Variants in FAM184A observed in about 807,000 individuals in gnomAD.
FAM184A encodes the protein protein FAM184A.
In FAM184A, 99 loss-of-function variants were observed where a neutral mutation model predicts 143.8. That is an observed-to-expected ratio of 0.69 (90% confidence interval 0.58 to 0.81). The LOEUF (loss-of-function observed/expected upper bound fraction) is 0.81, where lower values mean the gene tolerates loss of function less well. Ranked by LOEUF, FAM184A falls within the 40% of genes least tolerant of loss-of-function variation. FAM184A has a pLI of 0.00. For missense variants in FAM184A, 1,217 were observed against 1,310.5 expected (o/e 0.93, Z 1.10); for synonymous variants, 427 against 446.4 (o/e 0.96, Z 0.55).
chr6:119,088,136 G>T (rs1324523864), intron 1 of FAM184A, among the ~76,000 whole-genome samples: 1 of 152,122 alleles, frequency 6.6e-6, no homozygotes, highest in Admixed American at 6.5e-5. Context: ...TTCAACTGGG[G>T]AAGATGAAAA....
intron 1 of FAM184A, among the ~76,000 whole-genome samples, chr6:119,133,843 G>A (rs1053642295): frequency 1.3e-5 from 2 of 151,604 alleles, no homozygotes; most frequent in Non-Finnish European, 2.9e-5. Context: ...TTTTTGTAGA[G>A]ACAAGATCTC....
intron 1 of FAM184A, among the ~76,000 whole-genome samples, chr6:119,114,666 A>G (rs563648487): frequency 1.7e-3 from 260 of 151,842 alleles, no homozygotes; most frequent in Admixed American, 6.1e-3. Context: ...CTCAGCCTCT[A>G]GAGTAGCTGG....
At chr6:119,020,984 A>C (rs1474989449) in intron 3 of FAM184A, among the ~76,000 whole-genome samples, 2 of 152,212 alleles carry the variant, frequency 1.3e-5, no homozygotes, top group Non-Finnish European at 1.5e-5. Flanking sequence ...CAGAGAGATG[A>C]AAAGTGAGTG....
intron 1 of FAM184A, among the ~76,000 whole-genome samples, chr6:119,065,365 C>T (rs951661706): frequency 8.1e-4 from 124 of 152,276 alleles, no homozygotes; most frequent in African/African-American, 2.9e-3. Context: ...TCGCCCTGGC[C>T]AGCAGCTTGA....
chr6:118,979,146 C>T (rs552589930), intron 11 of FAM184A, among the ~76,000 whole-genome samples: 45 of 152,276 alleles, frequency 3.0e-4, no homozygotes, highest in Non-Finnish European at 2.4e-4. Flanking sequence ...AGTGGTGTTG[C>T]TTGCATAGCT....
chr6:119,031,342 T>C (rs149514376), intron 1 of FAM184A: 1 of 152,230 alleles, frequency 6.6e-6, no homozygotes, highest in Non-Finnish European at 1.5e-5. Context: ...GAGCCCTCAT[T>C]CTGGGACTGG....
rs531762224 is a variant in FAM184A, at chr6:119,072,077, G to T, written c.159+6064C>A. Among the ~76,000 whole-genome samples, 3 of 152,122 alleles carry T rather than the reference G, an allele frequency of 2.0e-5. No homozygotes were observed. In the South Asian group the frequency reaches 6.2e-4, roughly 32 times the overall value. On this transcript the variant is annotated intron_variant, in intron 1 of 17. Coordinates refer to ENST00000338891, the MANE Select transcript of FAM184A (RefSeq NM_024581.6). ...GGATTTCACCATGTTGGCCAGGCTG[G>T]TCTCGAACTCATGGCCTCAAGTGAT...
chr6:118,996,580 G>A (rs1199257963), intron 9 of FAM184A, among the ~76,000 whole-genome samples: 1 of 151,962 alleles, frequency 6.6e-6, no homozygotes, highest in African/African-American at 2.4e-5. Context: ...TTCCCCCAGG[G>A]CTCTGAATGT....
At chr6:119,006,280 A>C in intron 7 of FAM184A, 167 bp downstream of exon 7, 1 of 770,454 alleles carries the variant, frequency 1.3e-6, no homozygotes. Context: ...TGAGAGAATA[A>C]ATTTCTGTTG....
intron 1 of FAM184A, among the ~76,000 whole-genome samples, chr6:119,132,924 C>T (rs560657965): frequency 1.3e-5 from 2 of 152,334 alleles, no homozygotes; most frequent in South Asian, 4.1e-4. Flanking sequence ...TTTTAATCAA[C>T]TCTAAGAGTT....
chr6:119,001,915 CTAGTAA>C (rs1784769633), intron 9 of FAM184A, among the ~76,000 whole-genome samples: 1 of 152,074 alleles, frequency 6.6e-6, no homozygotes, highest in Non-Finnish European at 1.5e-5. Context: ...TGTCCAAATT[CTAGTAA>C]AAGTTGTTCC....
At chr6:119,102,932 C>G (rs1291815716) in intron 1 of FAM184A, among the ~76,000 whole-genome samples, 1 of 151,960 alleles carries the variant, frequency 6.6e-6, no homozygotes, top group Non-Finnish European at 1.5e-5. Flanking sequence ...GTTTTCTATA[C>G]AATGTCTACT....
At chr6:118,986,749 AT>A (rs1784208678) in intron 9 of FAM184A, among the ~76,000 whole-genome samples, 2 of 152,224 alleles carry the variant, frequency 1.3e-5, no homozygotes, top group South Asian at 4.1e-4. Context: ...CTAAAGTATA[AT>A]TCAATTAATT....
intron 6 of FAM184A, among the ~76,000 whole-genome samples, chr6:119,008,768 G>A (rs536923414): frequency 6.8e-4 from 103 of 152,278 alleles, no homozygotes; most frequent in Non-Finnish European, 1.2e-3. Context: ...ACTACAGTGA[G>A]TTTTTTATAA....
chr6:119,033,526 G>A (rs1260578147), intron 1 of FAM184A, among the ~76,000 whole-genome samples: 6 of 151,972 alleles, frequency 3.9e-5, no homozygotes, highest in South Asian at 4.2e-4. Context: ...TTATCTGGGC[G>A]TAGTGGCAGG....
intron 1 of FAM184A, among the ~76,000 whole-genome samples, chr6:119,139,393 C>A (rs1027581629): frequency 1.3e-5 from 2 of 152,138 alleles, no homozygotes; most frequent in African/African-American, 4.8e-5. Context: ...ACTCACTGTT[C>A]TCAGAATATT....
At chr6:119,082,522 G>A (rs74975942), upstream of FAM184A, among the ~76,000 whole-genome samples, 2 of 152,264 alleles carry the variant, frequency 1.3e-5, no homozygotes, top group African/African-American at 4.8e-5. Context: ...TCAGGCATTG[G>A]GTAAATGTTC....
chr6:119,068,930 CATG>C (rs1469133353), intron 1 of FAM184A: 1 of 222,222 alleles, frequency 4.5e-6, no homozygotes, highest in African/African-American at 2.4e-5. Flanking sequence ...AAAATTTGCC[CATG>C]ATTACACATC....
intron 14 of FAM184A, among the ~76,000 whole-genome samples, chr6:118,973,068 A>G (rs1211041776): frequency 6.6e-6 from 1 of 152,208 alleles, no homozygotes; most frequent in East Asian, 1.9e-4. Context: ...AGTGGTAAAT[A>G]TGATGGAGAA....
Sources: allele counts gnomAD v4.1 joint callset (sites outside exome capture counted in the v4.1 genomes callset), GRCh38; gene constraint gnomAD v4.1.1; transcripts MANE v1.5; gene names NCBI Gene and HGNC (gene_info 2026-07-23, HGNC 2026-07-21).